Variants in JAK1 observed in about 807,000 individuals in gnomAD.
The protein encoded by JAK1 is Janus kinase 1.
In JAK1, 16 loss-of-function variants were observed where a neutral mutation model predicts 136.6. The ratio of observed to expected loss-of-function variants is 0.12; its 90% CI spans 0.08 to 0.18. The LOEUF (loss-of-function observed/expected upper bound fraction) is 0.18, where lower values mean the gene tolerates loss of function less well. Ranked by LOEUF, JAK1 falls within the 10% of genes least tolerant of loss-of-function variation. The pLI, the probability that JAK1 is intolerant of heterozygous loss-of-function variation, is 1.00. For synonymous variants in JAK1, 492 were observed against 519.5 expected, an observed-to-expected ratio of 0.95 and a Z score of 0.72; for missense variants, 859 against 1,450.1, an observed-to-expected ratio of 0.59 and a Z score of 6.62.
At position 64,867,135 on chromosome 1, in the gene JAK1, T is replaced by G; in HGVS notation, c.721A>C (p.Asn241His). The change falls in exon 7 of 25, where the codon AAT becomes CAT. Residue 241 changes from asparagine to histidine, a missense_variant. Asn to His is a moderately conservative substitution (Grantham distance 68). Coordinates refer to ENST00000342505, the MANE Select transcript of JAK1 (RefSeq NM_002227.4). Reference sequence around the variant, plus strand: ...TTTAGGAAATCCTTGAAAACATTATTTATCCGCATCCTGGTGAGAAGGTTC... The same window carrying G: ...TTTAGGAAATCCTTGAAAACATTATGTATCCGCATCCTGGTGAGAAGGTTC... ...QRNLLTRMRI[N>H]NVFKDFLKEF... The G allele has an allele frequency of 1.2e-6, 2 of 1,613,182 alleles. No homozygotes were observed. Among genetic ancestry groups the G allele is most frequent in the Non-Finnish European group, 1.7e-6 (2 of 1,179,246 alleles).
intron 1 of JAK1, among the ~76,000 whole-genome samples, chr1:64,910,702 C>T (rs963307487): frequency 4.6e-5 from 7 of 152,110 alleles, no homozygotes; most frequent in Admixed American, 1.3e-4. Flanking sequence ...GGCATGGTGG[C>T]GAGCGCCTGT....
Position 64,890,163 on chromosome 1 carries a change from G to A in JAK1, c.-77-3822C>T, listed in dbSNP as rs1206360042. ...GAAATTTTAAGACTAAAAATCTTAA[G>A]CCTTAATCAACTATTTCAGCAGGCA... is the stretch of plus-strand genomic sequence containing the variant. On this transcript the variant is annotated intron_variant, in intron 1 of 24. Transcript: ENST00000342505. 1.2e-4 allele frequency among the ~76,000 whole-genome samples: 19 copies of A among 152,034 alleles called. 1 individual carries two copies. Among genetic ancestry groups the A allele is most frequent in the Admixed American group, 1.2e-3 (19 of 15,264 alleles).
chr1:64,855,753 T>C, intron 10 of JAK1, 55 bp from the exon 11 acceptor site: 1 of 1,465,856 alleles, frequency 6.8e-7, no homozygotes, highest in Non-Finnish European at 9.4e-7. Context: ...GGCATGGGTA[T>C]GTAAGATATT....
At chr1:65,015,281 A>G (rs1054393409) in intron 2 of JAK1, among the ~76,000 whole-genome samples, 2 of 152,192 alleles carry the variant, frequency 1.3e-5, no homozygotes, top group African/African-American at 4.8e-5. Flanking sequence ...AAGTAAATAA[A>G]TACACAAAAA....
intron 1 of JAK1, among the ~76,000 whole-genome samples, chr1:64,943,261 A>G (rs182904684): frequency 2.6e-4 from 39 of 152,324 alleles, no homozygotes; most frequent in African/African-American, 9.1e-4. Flanking sequence ...TCAGATGACC[A>G]TAACACCCTG....
intron 4 of JAK1, among the ~76,000 whole-genome samples, chr1:64,874,956 T>C (rs915161101): frequency 6.6e-6 from 1 of 152,140 alleles, no homozygotes. Context: ...CAACACACAA[T>C]GGGGCACGTA....
intron 2 of JAK1, among the ~76,000 whole-genome samples, chr1:65,027,382 C>T (rs1453286391): frequency 6.6e-6 from 1 of 152,090 alleles, no homozygotes; most frequent in Non-Finnish European, 1.5e-5. Flanking sequence ...TCATCCTTGA[C>T]ATCACTGCCG....
At chr1:64,928,784 A>AAAAAAAAAAAAAAAAAAAAAAT (rs1645629491) in intron 1 of JAK1, among the ~76,000 whole-genome samples, 1 of 121,924 alleles carries the variant, frequency 8.2e-6, no homozygotes, top group African/African-American at 4.0e-5. Flanking sequence ...TCTGCAAAAA[A>AAAAAAAAAAAAAAAAAAAAAAT]AAAAAAAAAA....
intron 1 of JAK1, among the ~76,000 whole-genome samples, chr1:64,950,171 G>A (rs1219952452): frequency 1.1e-4 from 16 of 152,028 alleles, no homozygotes; most frequent in Admixed American, 2.0e-4. Context: ...GCACTTTGGC[G>A]GGCCAAGGCG....
At chr1:65,021,750 G>C (rs917051079) in intron 2 of JAK1, among the ~76,000 whole-genome samples, 1 of 152,140 alleles carries the variant, frequency 6.6e-6, no homozygotes, top group African/African-American at 2.4e-5. Context: ...AACCCCTAAT[G>C]CCTGGGGGTA....
chr1:64,845,762 G>T, intron 14 of JAK1, 122 bp from the exon 15 acceptor site: 1 of 1,219,708 alleles, frequency 8.2e-7, no homozygotes. Context: ...GATATCCTTG[G>T]GGGGTGCAAT....
chr1:64,919,182 A>G (rs927517278), intron 1 of JAK1, among the ~76,000 whole-genome samples: 27 of 151,888 alleles, frequency 1.8e-4, no homozygotes, highest in Non-Finnish European at 3.4e-4. Context: ...CCACCCCACA[A>G]CAGGCCCTGG....
intron 11 of JAK1, 152 bp downstream of exon 11, chr1:64,855,357 T>G (rs1655860336): frequency 4.5e-6 from 3 of 661,426 alleles, no homozygotes; most frequent in Non-Finnish European, 7.5e-6. Flanking sequence ...GGATGTGAGT[T>G]GGGCACAGAA....
At chr1:64,965,129 C>T (rs1042485408) in intron 1 of JAK1, among the ~76,000 whole-genome samples, 35 of 152,162 alleles carry the variant, frequency 2.3e-4, no homozygotes, top group Non-Finnish European at 2.9e-5. Context: ...AAAAAAATAG[C>T]CAAAACCAAA....
intron 2 of JAK1, among the ~76,000 whole-genome samples, chr1:65,026,152 C>T (rs545825494): frequency 3.9e-4 from 60 of 152,352 alleles, no homozygotes; most frequent in East Asian, 1.9e-4. Context: ...CCCACCCCAA[C>T]GCTACTACCT....
At chr1:64,930,939 GT>G (rs887200785) in intron 1 of JAK1, among the ~76,000 whole-genome samples, 32 of 148,552 alleles carry the variant, frequency 2.2e-4, no homozygotes, top group African/African-American at 7.1e-4. Flanking sequence ...ATAAGTGGGA[GT>G]TGAACAATGA....
chr1:64,943,629 T>C (rs2100531937), intron 1 of JAK1, among the ~76,000 whole-genome samples: 1 of 152,120 alleles, frequency 6.6e-6, no homozygotes, highest in South Asian at 2.1e-4. Flanking sequence ...GAGTTAAATA[T>C]TTGTAGAATT....
chr1:65,008,709 ACAGGGTCTCACT>A (rs1455936092), intron 2 of JAK1, among the ~76,000 whole-genome samples: 2 of 145,928 alleles, frequency 1.4e-5, no homozygotes, highest in Non-Finnish European at 3.0e-5. Flanking sequence ...CTTTTTTATG[ACAGGGTCTCACT>A]CAGTTGCCCT....
At chr1:65,031,955 C>A (rs934820601) in intron 2 of JAK1, among the ~76,000 whole-genome samples, 1 of 145,604 alleles carries the variant, frequency 6.9e-6, no homozygotes, top group East Asian at 2.0e-4. Context: ...ACAGATTTTT[C>A]TTTTTCTTTT....
Sources: gnomAD v4.1 joint callset for allele counts (sites outside exome capture counted in the v4.1 genomes callset) on GRCh38, gnomAD v4.1.1 for gene constraint, MANE v1.5 for transcripts, NCBI Gene and HGNC (gene_info 2026-07-23, HGNC 2026-07-21) for gene names.